COL14A1: variants seen among roughly 807,000 people sequenced by gnomAD.
The protein encoded by COL14A1 is collagen alpha-1(XIV) chain.
In COL14A1, 136 loss-of-function variants were observed where a neutral mutation model predicts 230.3. That is an observed-to-expected ratio of 0.59 (90% CI 0.51 to 0.68). The LOEUF is 0.68. Ranked by LOEUF, COL14A1 falls within the 30% of genes least tolerant of loss-of-function variation. The pLI, the probability that COL14A1 is intolerant of heterozygous loss-of-function variation, is 0.00. For missense variants in COL14A1, 1,976 were observed against 2,215.8 expected, an observed-to-expected ratio of 0.89 and a Z score of 2.17; for synonymous variants, 792 against 784.1, an observed-to-expected ratio of 1.01 and a Z score of -0.17.
At chr8:120,270,307 C>T in intron 26 of COL14A1, 133 bp downstream of exon 26, 2 of 929,534 alleles carry the variant, frequency 2.2e-6, no homozygotes, top group Non-Finnish European at 1.5e-6. Flanking sequence ...AAAGGATAGA[C>T]AGGTATGTGT....
At chr8:120,286,854 T>C (rs1820220724) in intron 33 of COL14A1, among the ~76,000 whole-genome samples, 1 of 152,204 alleles carries the variant, frequency 6.6e-6, no homozygotes, top group African/African-American at 2.4e-5. Flanking sequence ...ATAACTATGT[T>C]CCTTAACATT....
chr8:120,246,347 G>C (rs569465378), intron 20 of COL14A1, among the ~76,000 whole-genome samples: 15 of 152,242 alleles, frequency 9.9e-5, no homozygotes, highest in Admixed American at 3.9e-4. Context: ...CATGAGGAAG[G>C]AGAGAAGGAA....
chr8:120,290,321 T>C (rs898077523), intron 34 of COL14A1, among the ~76,000 whole-genome samples: 5 of 152,166 alleles, frequency 3.3e-5, no homozygotes, highest in Admixed American at 3.3e-4. Context: ...ATATATTTTT[T>C]ACCTTACAAC....
rs544474584 is a variant in COL14A1, at chr8:120,372,831, C to T, written c.*1600C>T. Reference sequence around the variant, plus strand: ...TGCCTTTGGTGGGGTGGGGCAGGGGCGGGGGGCGGTTCTAAACAAATCAGT... The same window carrying T: ...TGCCTTTGGTGGGGTGGGGCAGGGGTGGGGGGCGGTTCTAAACAAATCAGT... On this transcript the variant is annotated 3_prime_UTR_variant, in exon 48 of 48. Coordinates refer to ENST00000297848, the MANE Select transcript of COL14A1 (RefSeq NM_021110.4). Among the ~76,000 whole-genome samples, 7 of 139,658 alleles carry T rather than the reference C, an allele frequency of 5.0e-5. No individual in the cohort carries two copies. Among genetic ancestry groups the T allele is most frequent in the Admixed American group, 2.1e-4 (3 of 14,174 alleles). 91.6% of individuals were successfully genotyped at this position (139,658 alleles called of 152,430 possible).
chr8:120,207,889 T>C (rs1466709941), intron 10 of COL14A1, among the ~76,000 whole-genome samples: 1 of 152,106 alleles, frequency 6.6e-6, no homozygotes, highest in African/African-American at 2.4e-5. Context: ...CTTTTATTTT[T>C]CATGACTAAT....
At chr8:120,195,502 AGTATTG>A (rs1379987960) in intron 5 of COL14A1, among the ~76,000 whole-genome samples, 1 of 152,170 alleles carries the variant, frequency 6.6e-6, no homozygotes, top group Non-Finnish European at 1.5e-5. Flanking sequence ...CGGTACTAAA[AGTATTG>A]GTCTGTTCTC....
At chr8:120,169,992 C>T (rs933642275) in intron 5 of COL14A1, among the ~76,000 whole-genome samples, 1 of 152,014 alleles carries the variant, frequency 6.6e-6, no homozygotes, top group African/African-American at 2.4e-5. Context: ...TCCAATATGT[C>T]TTTATCATTT....
In COL14A1 at chr8:120,215,746, A is replaced by C. The variant is rs767276909; in HGVS notation, c.1598-605A>C. ...TGGATTAGAAGTGGGTTGCGAGAGA[A>C]AGAGCAATCCAGGAGGCTCCAAGGT... On this transcript the variant is annotated intron_variant, in intron 13 of 47. Transcript: ENST00000297848. 5.3e-5 allele frequency among the ~76,000 whole-genome samples: 8 copies of C among 152,216 alleles called. No homozygotes were observed. In the East Asian group the frequency reaches 1.2e-3, roughly 22 times the overall value.
intron 5 of COL14A1, among the ~76,000 whole-genome samples, chr8:120,187,118 C>G (rs1816677106): frequency 6.6e-6 from 1 of 152,176 alleles, no homozygotes; most frequent in Admixed American, 6.5e-5. Flanking sequence ...TCCTTTCTAT[C>G]TTCACTGACT....
intron 40 of COL14A1, among the ~76,000 whole-genome samples, chr8:120,319,097 A>G (rs997722211): frequency 2.0e-5 from 3 of 152,172 alleles, no homozygotes; most frequent in Non-Finnish European, 4.4e-5. Flanking sequence ...GTGGTGGGCT[A>G]TTCCTTACTG....
intron 37 of COL14A1, among the ~76,000 whole-genome samples, chr8:120,310,975 A>G (rs1173339281): frequency 6.6e-6 from 1 of 152,172 alleles, no homozygotes; most frequent in Admixed American, 6.5e-5. Context: ...ATGGTTTCTT[A>G]TTAAATTTAC....
chr8:120,125,934 T>C (rs566781620), intron 1 of COL14A1, among the ~76,000 whole-genome samples: 2 of 152,236 alleles, frequency 1.3e-5, no homozygotes, highest in Non-Finnish European at 2.9e-5. Context: ...AGCTCGATGA[T>C]GGAGGATGGG....
chr8:120,315,057 A>G (rs1335797881), intron 38 of COL14A1, among the ~76,000 whole-genome samples: 5 of 152,216 alleles, frequency 3.3e-5, no homozygotes, highest in Non-Finnish European at 7.3e-5. Context: ...TAAATGGCAT[A>G]ACATATGTGG....
At position 120,332,222 on chromosome 8, in the gene COL14A1, A is replaced by T. The variant is rs73706436; in HGVS notation, c.4713+28A>T. 10 of 1,602,712 alleles carry T rather than the reference A, an allele frequency of 6.2e-6. No homozygotes were observed. In the South Asian group the frequency reaches 1.1e-4, roughly 18 times the overall value. ...AAGCCTTTCCAGAAACTACTGGGAC[A>T]TACTCTGTTTTAAAGCACTTCATTT... On this transcript the variant is annotated intron_variant, in intron 41 of 47. Coordinates refer to ENST00000297848, the MANE Select transcript of COL14A1 (RefSeq NM_021110.4).
chr8:120,229,123 TA>T (rs1818185923), intron 18 of COL14A1, among the ~76,000 whole-genome samples: 1 of 135,512 alleles, frequency 7.4e-6, no homozygotes, highest in African/African-American at 2.7e-5. Context: ...TATTTATTAT[TA>T]TTATACTTTA....
intron 23 of COL14A1, among the ~76,000 whole-genome samples, chr8:120,255,961 C>A (rs574718942): frequency 1.9e-4 from 29 of 151,954 alleles, no homozygotes; most frequent in African/African-American, 6.3e-4. Context: ...TTAAAAATAT[C>A]GAGAACAACA....
chr8:120,367,209 G>C lies in COL14A1; in HGVS notation c.5116G>C (p.Val1706Leu). ...GIKGEKGNPGVGTQGPRGPPG... is the reference protein window; with the variant it reads ...GIKGEKGNPGLGTQGPRGPPG... Reference sequence around the variant, plus strand: ...CAAAGGAGAAAAAGGAAATCCAGGCGTTGGAACCCAAGGTCCAAGAGGCCC... The same window carrying C: ...CAAAGGAGAAAAAGGAAATCCAGGCCTTGGAACCCAAGGTCCAAGAGGCCC... The change falls in exon 46 of 48, where the codon GTT becomes CTT. Residue 1706 changes from valine to leucine, a missense_variant. This residue lies in a region of COL14A1 where 1,791 missense variants were observed against 2,019.5 expected (regional missense o/e 0.89). Coordinates refer to ENST00000297848, the MANE Select transcript of COL14A1 (RefSeq NM_021110.4). 6.2e-7 allele frequency: 1 copy of C among 1,613,542 alleles called. No individual in the cohort carries two copies. Among genetic ancestry groups the C allele is most frequent in the Non-Finnish European group, 8.5e-7 (1 of 1,179,786 alleles).
chr8:120,140,356 T>TA (rs1464530745), intron 1 of COL14A1, among the ~76,000 whole-genome samples: 1 of 152,158 alleles, frequency 6.6e-6, no homozygotes, highest in African/African-American at 2.4e-5. Flanking sequence ...CAATTAACTT[T>TA]AAGTGAGCTA....
chr8:120,346,568 A>C (rs746730363), intron 45 of COL14A1, among the ~76,000 whole-genome samples: 1 of 152,242 alleles, frequency 6.6e-6, no homozygotes, highest in South Asian at 2.1e-4. Flanking sequence ...ATTTTGACTC[A>C]TGCTAACAGG....
Sources: allele counts gnomAD v4.1 joint callset (sites outside exome capture counted in the v4.1 genomes callset), GRCh38; gene constraint gnomAD v4.1.1; regional missense constraint gnomAD v4.1.1; transcripts MANE v1.5; gene names NCBI Gene and HGNC (gene_info 2026-07-23, HGNC 2026-07-21).